The following MPP1 variants were observed in gnomAD, a reference collection of about 807,000 sequenced individuals.
The protein encoded by MPP1 is 55 kDa erythrocyte membrane protein.
A neutral mutation model predicts 38.2 loss-of-function variants in MPP1; 6 were observed. The observed-to-expected ratio is 0.16, with a 90% confidence interval of 0.09 to 0.31. MPP1 has a LOEUF of 0.31. Among genes scored for constraint, MPP1 ranks in the 10% least tolerant of loss-of-function variants. The pLI is 1.00. For synonymous variants in MPP1, 153 were observed against 146.3 expected (o/e 1.05, Z -0.33); for missense variants, 293 against 368.9 (o/e 0.79, Z 1.69).
rs2071953704 is a variant in MPP1, at chrX:154,778,979, G to A, written c.*198C>T. On this transcript the variant is annotated 3_prime_UTR_variant, in exon 12 of 12. Coordinates refer to ENST00000369534, the MANE Select transcript of MPP1 (RefSeq NM_002436.4). ...ATCCTTTTCAAATCCAGATCAGTGG[G>A]GCCCCATCTATCAGGAGAATCAACC... 2.4e-6 allele frequency: 1 copy of A among 418,256 alleles called. No homozygotes were observed. The highest frequency in any genetic ancestry group is 4.0e-5 in the East Asian group (1 of 24,847). 34.5% of individuals were successfully genotyped at this position (418,256 alleles called of 1,213,427 possible).
intron 10 of MPP1, 68 bp from the exon 11 acceptor site, chrX:154,781,381 CCTACATAG>C (rs1557266608): frequency 2.8e-5 from 24 of 867,090 alleles, no homozygotes; most frequent in East Asian, 9.5e-5. Flanking sequence ...AAAAAAAAAA[CCTACATAG>C]CTGTCATAAT....
intron 1 of MPP1, chrX:154,804,641 G>A (rs1180982176): frequency 9.0e-6 from 3 of 332,241 alleles, no homozygotes; most frequent in Non-Finnish European, 1.8e-5. Flanking sequence ...AATGCTCAGT[G>A]TTGTAAACCA....
intron 1 of MPP1, chrX:154,804,781 A>T (rs1557268989): frequency 8.8e-6 from 3 of 342,711 alleles, no homozygotes; most frequent in Non-Finnish European, 1.8e-5. Context: ...TCCACCCGCA[A>T]ATATACACTG....
At chrX:154,803,799 C>T (rs1007849892) in intron 1 of MPP1, among the ~76,000 whole-genome samples, 2 of 112,301 alleles carry the variant, frequency 1.8e-5, no homozygotes, top group African/African-American at 3.2e-5. Context: ...AATTAAATTT[C>T]ATGAATTCTA....
In MPP1 at chrX:154,781,333, G is replaced by A; in HGVS notation, c.1150-20C>T. The A allele has an allele frequency of 3.7e-6, 4 of 1,074,986 alleles. No individual in the cohort carries two copies. Among genetic ancestry groups the A allele is most frequent in the Non-Finnish European group, 5.0e-6 (4 of 798,760 alleles). 88.6% of individuals were successfully genotyped at this position (1,074,986 alleles called of 1,213,427 possible). On this transcript the variant is annotated intron_variant, in intron 10 of 11. Transcript: ENST00000369534. Reference sequence around the variant, plus strand: ...CAGGGTCTAGAAAAAAAAAAGAAGGGCGGCGGGGAGGGGGGGGAAGGAAGA... The same window carrying A: ...CAGGGTCTAGAAAAAAAAAAGAAGGACGGCGGGGAGGGGGGGGAAGGAAGA...
intron 1 of MPP1, among the ~76,000 whole-genome samples, chrX:154,798,997 G>T (rs2072232202): frequency 8.9e-6 from 1 of 111,893 alleles, no homozygotes; most frequent in East Asian, 2.8e-4. Context: ...GCCTCCCAAA[G>T]TGCTGGGATT....
At chrX:154,791,620 G>T in intron 3 of MPP1, 149 bp downstream of exon 3, 1 of 469,813 alleles carries the variant, frequency 2.1e-6, no homozygotes. Flanking sequence ...ATTCTACAGA[G>T]CCAGTTATTA....
chrX:154,799,928 C>T (rs1270033176), intron 1 of MPP1: 31 of 975,380 alleles, frequency 3.2e-5, no homozygotes, highest in African/African-American at 5.9e-5. Flanking sequence ...ACAAACTTGG[C>T]GGGGGGCGGG....
At chrX:154,790,398 G>A (rs782781693) in intron 4 of MPP1, among the ~76,000 whole-genome samples, 13 of 109,702 alleles carry the variant, frequency 1.2e-4, no homozygotes, top group Middle Eastern at 4.7e-3. Flanking sequence ...CAGCGTGATG[G>A]TGGGTACCTG....
chrX:154,786,492 T>C, intron 5 of MPP1, 92 bp from the exon 6 acceptor site: 2 of 824,052 alleles, frequency 2.4e-6, no homozygotes, highest in Non-Finnish European at 3.5e-6. Flanking sequence ...GGGGTCAGGA[T>C]GGAATGAACA....
intron 2 of MPP1, 38 bp from the exon 3 acceptor site, chrX:154,791,885 A>T: frequency 8.8e-6 from 10 of 1,134,522 alleles, no homozygotes; most frequent in Non-Finnish European, 1.2e-5. Context: ...CTTTATTTTA[A>T]GCTCTTTCTG....
chrX:154,805,236 G>A (rs1221136569), intron 1 of MPP1, 36 bp downstream of exon 1: 5 of 1,152,467 alleles, frequency 4.3e-6, no homozygotes, highest in Admixed American at 4.9e-5. Flanking sequence ...GCCGAGCCCC[G>A]GCCCAGCGCC....
chrX:154,801,203 C>T (rs1018925492), intron 1 of MPP1, among the ~76,000 whole-genome samples: 1 of 112,083 alleles, frequency 8.9e-6, no homozygotes, highest in Non-Finnish European at 1.9e-5. Context: ...CACAACTTAG[C>T]GGCGAGGTAT....
chrX:154,795,522 T>C (rs1192154184), intron 1 of MPP1, among the ~76,000 whole-genome samples: 3 of 111,738 alleles, frequency 2.7e-5, no homozygotes, highest in African/African-American at 9.8e-5. Flanking sequence ...CCCAGCACTT[T>C]GGGAGGCTGA....
chrX:154,792,041 A>G (rs1273314041), intron 2 of MPP1, 101 bp downstream of exon 2: 4 of 1,119,191 alleles, frequency 3.6e-6, no homozygotes, highest in Non-Finnish European at 4.8e-6. Flanking sequence ...GGGGTTGGCC[A>G]ATTCCCTAAC....
chrX:154,792,235 C>T lies in MPP1; in HGVS notation c.153G>A (p.Gly51=), dbSNP rs147273733. Residue 51 remains glycine (G), a synonymous_variant, in exon 2 of 12, where the codon GGG becomes GGA. Coordinates refer to ENST00000369534, the MANE Select transcript of MPP1 (RefSeq NM_002436.4). ...NTVTEDMYTN[G]SPAPGSPAQV... ...GGGCAGGGCTACCTGGGGCAGGAGA[C>T]CCGTTGGTGTACATGTCCTCGGTCA... The T allele has an allele frequency of 4.4e-4, 533 of 1,210,436 alleles. No homozygotes were observed. Among genetic ancestry groups the T allele is most frequent in the Middle Eastern group, 9.2e-4 (4 of 4,356 alleles).
chrX:154,803,454 T>G (rs887678256), intron 1 of MPP1, among the ~76,000 whole-genome samples: 3 of 112,785 alleles, frequency 2.7e-5, no homozygotes, highest in Non-Finnish European at 5.6e-5. Flanking sequence ...TGCTGTTTAC[T>G]CAGAGGTTGT....
Position 154,786,364 on chromosome X carries a change from T to G in MPP1, c.517A>C (p.Lys173Gln). The G allele has an allele frequency of 8.3e-7, 1 of 1,211,417 alleles. No individual in the cohort carries two copies. ...MRAQFDYDPKKDNLIPCKEAG... is the reference protein window; with the variant it reads ...MRAQFDYDPKQDNLIPCKEAG... ...TCCTTGCAAGGGATCAGATTGTCCT[T>G]TTTGGGATCATAGTCAAACTGCGCT... The change falls in exon 6 of 12, where the codon AAG becomes CAG. Residue 173 changes from lysine (K) to glutamine (Q), a missense_variant. Transcript: ENST00000369534.
intron 7 of MPP1, chrX:154,784,824 G>A (rs1557267015): frequency 2.2e-6 from 1 of 464,901 alleles, no homozygotes; most frequent in Non-Finnish European, 3.9e-6. Flanking sequence ...GTGGGGTGAT[G>A]AGCAGGTGTG....
Sources: allele counts gnomAD v4.1 joint callset (sites outside exome capture counted in the v4.1 genomes callset), GRCh38; gene constraint gnomAD v4.1.1; transcripts MANE v1.5; gene names NCBI Gene and HGNC (gene_info 2026-07-23, HGNC 2026-07-21).